DLG2: variants seen among roughly 807,000 people sequenced by gnomAD.
The protein encoded by DLG2 is discs large MAGUK scaffold protein 2.
In DLG2, 45 loss-of-function variants were observed where a neutral mutation model predicts 132.5. The ratio of observed to expected loss-of-function variants is 0.34; its 90% CI spans 0.27 to 0.44. The LOEUF (loss-of-function observed/expected upper bound fraction) is 0.44, where lower values mean the gene tolerates loss of function less well. Ranked by LOEUF, DLG2 falls within the 20% of genes least tolerant of loss-of-function variation. DLG2 has a pLI of 1.00. For synonymous variants in DLG2, 424 were observed against 419.6 expected, an observed-to-expected ratio of 1.01 and a Z score of -0.13; for missense variants, 1,045 against 1,196.9, an observed-to-expected ratio of 0.87 and a Z score of 1.87.
At chr11:85,526,559 C>T (rs554449963) in intron 3 of DLG2, among the ~76,000 whole-genome samples, 5 of 152,110 alleles carry the variant, frequency 3.3e-5, no homozygotes, top group African/African-American at 9.7e-5. Flanking sequence ...AAAAATGACA[C>T]CATATGTAAA....
intron 6 of DLG2, among the ~76,000 whole-genome samples, chr11:85,044,811 ATAATT>A (rs1401820210): frequency 3.3e-5 from 5 of 152,084 alleles, no homozygotes; most frequent in African/African-American, 1.2e-4. Context: ...CTCTTCAAAA[ATAATT>A]TAAAAGTCAG....
chr11:84,393,055 A>G (rs1601323823), intron 7 of DLG2, among the ~76,000 whole-genome samples: 1 of 152,180 alleles, frequency 6.6e-6, no homozygotes, highest in Non-Finnish European at 1.5e-5. Context: ...TTTTTGGTAA[A>G]TAACTTAATA....
intron 6 of DLG2, among the ~76,000 whole-genome samples, chr11:85,045,921 C>A: frequency 6.6e-6 from 1 of 151,946 alleles, no homozygotes; most frequent in East Asian, 1.9e-4. Flanking sequence ...AGGAAGGATC[C>A]AATATGTCAC....
chr11:83,580,900 C>A, intron 19 of DLG2, among the ~76,000 whole-genome samples: 1 of 80,648 alleles, frequency 1.2e-5, no homozygotes, highest in Admixed American at 1.0e-4. Context: ...CCTCCCTTCC[C>A]CTCCCCTCCC....
At chr11:85,139,591 A>G (rs2152427691) in intron 5 of DLG2, among the ~76,000 whole-genome samples, 1 of 152,104 alleles carries the variant, frequency 6.6e-6, no homozygotes, top group East Asian at 1.9e-4. Flanking sequence ...GCAAATTAAC[A>G]TATTTATCAC....
chr11:83,538,695 G>A (rs1592736007), intron 20 of DLG2, among the ~76,000 whole-genome samples: 2 of 152,186 alleles, frequency 1.3e-5, no homozygotes, highest in African/African-American at 2.4e-5. Flanking sequence ...TGCAATACAT[G>A]ATCAGTGCTG....
At chr11:84,822,945 A>C (rs1331001552) in intron 6 of DLG2, among the ~76,000 whole-genome samples, 1 of 151,956 alleles carries the variant, frequency 6.6e-6, no homozygotes, top group African/African-American at 2.4e-5. Context: ...TTGAAGACAG[A>C]TAATATATTT....
At chr11:84,944,348 T>C (rs1167420896) in intron 6 of DLG2, among the ~76,000 whole-genome samples, 1 of 152,180 alleles carries the variant, frequency 6.6e-6, no homozygotes, top group Non-Finnish European at 1.5e-5. Context: ...ACTTCCTCTT[T>C]AAGACCAATA....
chr11:83,471,716 G>A lies in DLG2; in HGVS notation c.2356C>T (p.Arg786Trp). The change falls in exon 24 of 28, where the codon CGG becomes TGG. Residue 786 changes from arginine to tryptophan, a missense_variant. By Grantham distance (101) the Arg-to-Trp change is moderately radical (BLOSUM62 -3). Coordinates refer to ENST00000376104, the MANE Select transcript of DLG2 (RefSeq NM_001142699.3). Reference protein sequence around the residue: ...PVTRQEINYTRPVIILGPMKD... With the variant: ...PVTRQEINYTWPVIILGPMKD... ...ATGGGCCCCAGGATAATCACCGGCC[G>A]GGTGTAGTTTACTGCAGAATGGGAA... The A allele has an allele frequency of 1.2e-6, 2 of 1,612,752 alleles. No individual in the cohort carries two copies. The highest frequency in any genetic ancestry group is 1.7e-6 in the Non-Finnish European group (2 of 1,179,152).
At chr11:83,870,980 T>C (rs1025907161) in intron 16 of DLG2, among the ~76,000 whole-genome samples, 1 of 152,162 alleles carries the variant, frequency 6.6e-6, no homozygotes, top group East Asian at 1.9e-4. Flanking sequence ...CCTGTTTCCA[T>C]AGGTGATCAA....
At chr11:85,350,013 T>C (rs965186759) in intron 3 of DLG2, among the ~76,000 whole-genome samples, 6 of 152,238 alleles carry the variant, frequency 3.9e-5, no homozygotes, top group Admixed American at 3.9e-4. Flanking sequence ...GTTGAACTAA[T>C]TTACACTAGC....
intron 3 of DLG2, among the ~76,000 whole-genome samples, chr11:85,370,745 C>A (rs2084912035): frequency 6.6e-6 from 1 of 152,128 alleles, no homozygotes; most frequent in South Asian, 2.1e-4. Flanking sequence ...TTTTTGAGTA[C>A]TTCAGAGGGC....
At chr11:85,623,734 G>C (rs1433438239) in intron 2 of DLG2, among the ~76,000 whole-genome samples, 1 of 152,174 alleles carries the variant, frequency 6.6e-6, no homozygotes, top group Non-Finnish European at 1.5e-5. Flanking sequence ...CATTGTACTA[G>C]AAAATTCTGT....
At chr11:84,633,972 C>A (rs956626755) in intron 6 of DLG2, among the ~76,000 whole-genome samples, 1 of 152,090 alleles carries the variant, frequency 6.6e-6, no homozygotes, top group Non-Finnish European at 1.5e-5. Context: ...AATGGGGAGA[C>A]CAGAATTATT....
chr11:85,071,699 A>G (rs2065892231), intron 6 of DLG2, among the ~76,000 whole-genome samples: 1 of 151,770 alleles, frequency 6.6e-6, no homozygotes, highest in Non-Finnish European at 1.5e-5. Context: ...TGATCCTTGT[A>G]TCTTGAAAAA....
chr11:84,419,076 T>C (rs2098939667), intron 7 of DLG2, among the ~76,000 whole-genome samples: 1 of 151,984 alleles, frequency 6.6e-6, no homozygotes, highest in African/African-American at 2.4e-5. Context: ...CATTGCTTGG[T>C]AGACACAACT....
chr11:85,614,310 G>C (rs2081198249), intron 2 of DLG2, among the ~76,000 whole-genome samples: 1 of 150,574 alleles, frequency 6.6e-6, no homozygotes, highest in African/African-American at 2.5e-5. Flanking sequence ...AGTTAGTCTT[G>C]AACCAGGTTT....
chr11:85,460,682 C>T (rs900376818), intron 3 of DLG2, among the ~76,000 whole-genome samples: 2 of 152,180 alleles, frequency 1.3e-5, no homozygotes, highest in Non-Finnish European at 2.9e-5. Flanking sequence ...CATGATCACC[C>T]CTCACTTTTC....
chr11:84,460,208 A>G (rs1430463076), intron 7 of DLG2, among the ~76,000 whole-genome samples: 3 of 150,640 alleles, frequency 2.0e-5, no homozygotes, highest in Non-Finnish European at 4.5e-5. Flanking sequence ...AGTAAACTCT[A>G]TTTATTCTAA....
Sources: gnomAD v4.1 joint callset for allele counts (sites outside exome capture counted in the v4.1 genomes callset) on GRCh38, gnomAD v4.1.1 for gene constraint, MANE v1.5 for transcripts, NCBI Gene and HGNC (gene_info 2026-07-23, HGNC 2026-07-21) for gene names.